Variants in PCSK6 observed in about 807,000 individuals in gnomAD.
PCSK6 encodes the protein proprotein convertase subtilisin/kexin type 6.
PCSK6 carries 85 observed loss-of-function variants against 123.3 expected under a neutral mutation model. The ratio of observed to expected loss-of-function variants is 0.69; its 90% CI spans 0.58 to 0.83. PCSK6 has a LOEUF of 0.83. Among genes scored for constraint, PCSK6 ranks in the 40% least tolerant of loss-of-function variants. The pLI is 0.00. For missense variants in PCSK6, 1,191 were observed against 1,282.3 expected (o/e 0.93, Z 1.09); for synonymous variants, 508 against 516.0 (o/e 0.98, Z 0.21).
intron 1 of PCSK6, among the ~76,000 whole-genome samples, chr15:101,472,626 A>G (rs1226206221): frequency 2.6e-5 from 4 of 152,200 alleles, no homozygotes; most frequent in African/African-American, 9.6e-5. Flanking sequence ...AGTTTTCAGG[A>G]GAGACCAGGG....
chr15:101,402,981 T>C (rs1350428898), intron 6 of PCSK6, among the ~76,000 whole-genome samples: 3 of 152,168 alleles, frequency 2.0e-5, no homozygotes, highest in South Asian at 2.1e-4. Flanking sequence ...CATATGTTTA[T>C]TGTGGCACTA....
chr15:101,476,922 G>A (rs997305255), intron 1 of PCSK6, among the ~76,000 whole-genome samples: 2 of 152,222 alleles, frequency 1.3e-5, no homozygotes, highest in Non-Finnish European at 2.9e-5. Flanking sequence ...GGGAGATGCA[G>A]GTAGGTGGGA....
At chr15:101,460,800 G>T (rs1026927925) in intron 1 of PCSK6, among the ~76,000 whole-genome samples, 6 of 152,078 alleles carry the variant, frequency 3.9e-5, no homozygotes, top group African/African-American at 1.4e-4. Context: ...TATAACTCAT[G>T]GTAAAAGAAA....
chr15:101,458,232 G>A lies in PCSK6; in HGVS notation c.298-14572C>T, dbSNP rs571397018. Among the ~76,000 whole-genome samples, 5 of 152,316 alleles carry A rather than the reference G, an allele frequency of 3.3e-5. No homozygotes were observed. In the South Asian group the frequency reaches 1.0e-3, roughly 32 times the overall value. On this transcript the variant is annotated intron_variant, in intron 1 of 21. Transcript: ENST00000611716. ...AAGTTCACCCAACTATTTCTAGGTT[G>A]GTGGGCACAGGTCGTGGTGATAGGG...
At chr15:101,466,613 T>C (rs2057466195) in intron 1 of PCSK6, among the ~76,000 whole-genome samples, 1 of 152,232 alleles carries the variant, frequency 6.6e-6, no homozygotes, top group South Asian at 2.1e-4. Flanking sequence ...CATCGGTTGA[T>C]AAATGAGCAA....
chr15:101,338,957 C>T (rs1355188158), intron 13 of PCSK6, among the ~76,000 whole-genome samples: 1 of 152,202 alleles, frequency 6.6e-6, no homozygotes, highest in African/African-American at 2.4e-5. Context: ...AGTATTTCCC[C>T]TCAATGAATT....
intron 6 of PCSK6, among the ~76,000 whole-genome samples, chr15:101,403,153 C>T (rs1389686007): frequency 2.0e-5 from 3 of 151,258 alleles, no homozygotes. Flanking sequence ...TCATCATTCT[C>T]AGTAAACTAT....
chr15:101,479,391 G>C (rs1026706652), intron 1 of PCSK6, among the ~76,000 whole-genome samples: 1 of 152,256 alleles, frequency 6.6e-6, no homozygotes, highest in Non-Finnish European at 1.5e-5. Flanking sequence ...AGAGCAGTGG[G>C]GCTCTGAAGA....
intron 19 of PCSK6, among the ~76,000 whole-genome samples, chr15:101,314,506 C>A (rs1304532763): frequency 6.6e-6 from 1 of 152,192 alleles, no homozygotes; most frequent in Non-Finnish European, 1.5e-5. Context: ...CAGATCGAGG[C>A]CTTGCAGTCT....
chr15:101,434,619 T>C (rs1366929678), intron 2 of PCSK6, among the ~76,000 whole-genome samples: 1 of 152,204 alleles, frequency 6.6e-6, no homozygotes, highest in African/African-American at 2.4e-5. Flanking sequence ...CTCTCTGTCG[T>C]GGTCGCAGGG....
chr15:101,313,217 C>A, intron 20 of PCSK6, 159 bp downstream of exon 20: 1 of 1,539,944 alleles, frequency 6.5e-7, no homozygotes, highest in Non-Finnish European at 8.8e-7. Flanking sequence ...AACAAAGGGA[C>A]GAAGGCCCCT....
In PCSK6 at chr15:101,318,435, AAG is replaced by A; in HGVS notation, c.2466-15_2466-14del. 1 of 1,548,556 alleles carries A rather than the reference AAG, an allele frequency of 6.5e-7. No individual in the cohort carries two copies. Among genetic ancestry groups the A allele is most frequent in the Non-Finnish European group, 8.7e-7 (1 of 1,143,806 alleles). On this transcript the variant is annotated splice_polypyrimidine_tract_variant and intron_variant, in intron 18 of 21. Coordinates refer to ENST00000611716, the MANE Select transcript of PCSK6 (RefSeq NM_002570.5). ...GCCCCGTGCAAGGCTGTTGAAAAGA[AAG>A]AGGCAGATTTCCACATCCATTCCAA... is the stretch of plus-strand genomic sequence containing the variant.
intron 8 of PCSK6, among the ~76,000 whole-genome samples, chr15:101,390,209 G>A (rs913343634): frequency 6.6e-6 from 1 of 152,288 alleles, no homozygotes; most frequent in African/African-American, 2.4e-5. Context: ...TGCCCTCCTC[G>A]GAGGCACTGG....
chr15:101,319,099 A>AAGCC (rs1394267629), intron 18 of PCSK6, among the ~76,000 whole-genome samples: 1 of 152,224 alleles, frequency 6.6e-6, no homozygotes, highest in Non-Finnish European at 1.5e-5. Flanking sequence ...GACCCCAAGC[A>AAGCC]AGCCAGCCAG....
chr15:101,370,968 T>G, intron 11 of PCSK6, among the ~76,000 whole-genome samples: 1 of 150,414 alleles, frequency 6.6e-6, no homozygotes, highest in Admixed American at 6.6e-5. Flanking sequence ...TTATACAAAG[T>G]GGGGGGAGGG....
At chr15:101,353,334 G>A (rs909425318) in intron 13 of PCSK6, among the ~76,000 whole-genome samples, 29 of 152,208 alleles carry the variant, frequency 1.9e-4, no homozygotes, top group South Asian at 2.1e-4. Context: ...GTGACAGGAG[G>A]TAGAGTTCAG....
chr15:101,411,629 C>G (rs1156648877), intron 6 of PCSK6, among the ~76,000 whole-genome samples: 4 of 152,084 alleles, frequency 2.6e-5, no homozygotes, highest in African/African-American at 4.8e-5. Context: ...CAGAGGGACC[C>G]GACGAGACAG....
At chr15:101,469,989 A>G (rs569844300) in intron 1 of PCSK6, among the ~76,000 whole-genome samples, 28 of 152,250 alleles carry the variant, frequency 1.8e-4, no homozygotes, top group African/African-American at 6.5e-4. Flanking sequence ...TGGCAACAAC[A>G]CGCGCTGAGT....
intron 19 of PCSK6, among the ~76,000 whole-genome samples, chr15:101,316,623 C>T (rs868646203): frequency 1.3e-5 from 2 of 152,234 alleles, no homozygotes; most frequent in Non-Finnish European, 1.5e-5. Flanking sequence ...GAGCTGCCAG[C>T]GGGTGGAACC....
Sources: gnomAD v4.1 joint callset for allele counts (sites outside exome capture counted in the v4.1 genomes callset) on GRCh38, gnomAD v4.1.1 for gene constraint, MANE v1.5 for transcripts, NCBI Gene and HGNC (gene_info 2026-07-23, HGNC 2026-07-21) for gene names.